ANK3: variants seen among roughly 807,000 people sequenced by gnomAD.
ANK3 encodes ankyrin-3.
A neutral mutation model predicts 370.9 loss-of-function variants in ANK3; 57 were observed. That is an observed-to-expected ratio of 0.15 (90% CI 0.12 to 0.19). The LOEUF is 0.19. Ranked by LOEUF, ANK3 falls within the 10% of genes least tolerant of loss-of-function variation. ANK3 has a pLI of 1.00. For synonymous variants in ANK3, 1,929 were observed against 1,946.3 expected (o/e 0.99, Z 0.23); for missense variants, 4,439 against 5,302.1 (o/e 0.84, Z 5.06).
At chr10:60,162,532 C>T (rs1227335061) in intron 23 of ANK3, among the ~76,000 whole-genome samples, 3 of 152,122 alleles carry the variant, frequency 2.0e-5, no homozygotes, top group African/African-American at 4.8e-5. Flanking sequence ...AAATTTGGCA[C>T]GAAGCTGAAC....
chr10:60,632,177 C>T (rs2078492710), intron 1 of ANK3, among the ~76,000 whole-genome samples: 1 of 80,786 alleles, frequency 1.2e-5, no homozygotes. Context: ...TAAAAAATAC[C>T]ATTTAATGTT....
chr10:60,647,856 T>C (rs2078729528), intron 1 of ANK3, among the ~76,000 whole-genome samples: 1 of 150,684 alleles, frequency 6.6e-6, no homozygotes, highest in Non-Finnish European at 1.5e-5. Context: ...ATTTGCCTTT[T>C]TTTTTTTTTT....
At chr10:60,450,767 C>T (rs1029865285) in intron 2 of ANK3, among the ~76,000 whole-genome samples, 5 of 152,110 alleles carry the variant, frequency 3.3e-5, no homozygotes, top group African/African-American at 1.2e-4. Context: ...TTTACCAAAG[C>T]CACTGAGTTG....
intron 1 of ANK3, among the ~76,000 whole-genome samples, chr10:60,666,109 C>T (rs2078992365): frequency 6.6e-6 from 1 of 152,118 alleles, no homozygotes; most frequent in South Asian, 2.1e-4. Flanking sequence ...TATTTCTACA[C>T]CTATGTTCAT....
chr10:60,539,151 CATTAAT>C (rs2076789624), intron 2 of ANK3, among the ~76,000 whole-genome samples: 1 of 151,770 alleles, frequency 6.6e-6, no homozygotes, highest in Non-Finnish European at 1.5e-5. Flanking sequence ...ATGAAACTAC[CATTAAT>C]ACTTGAAATG....
At chr10:60,170,212 T>G (rs2095746328) in intron 21 of ANK3, among the ~76,000 whole-genome samples, 1 of 152,040 alleles carries the variant, frequency 6.6e-6, no homozygotes, top group African/African-American at 2.4e-5. Flanking sequence ...TCTAATTAAC[T>G]AAACCGTCTT....
Position 60,045,083 on chromosome 10 carries a change from T to TA in ANK3, c.13066-2325dup, listed in dbSNP as rs935796082. ...ATAAGAACACAAAGTTGTTTCGTAA[T>TA]AAAAAAAAATGAGAACAAAACAATA... is the stretch of plus-strand genomic sequence containing the variant. On this transcript the variant is annotated intron_variant, in intron 42 of 43. Transcript: ENST00000280772. Among the ~76,000 whole-genome samples the TA allele has an allele frequency of 4.2e-3, 639 of 151,558 alleles. 4 individuals carry two copies. Among genetic ancestry groups the TA allele is most frequent in the African/African-American group, 0.014 (591 of 41,364 alleles).
At chr10:60,062,867 T>C (rs981414698) in intron 40 of ANK3, 1 of 298,128 alleles carries the variant, frequency 3.4e-6, no homozygotes. Context: ...AAATACCAAC[T>C]CTTTCAGATA....
At chr10:60,420,271 G>T (rs556169687) in intron 2 of ANK3, among the ~76,000 whole-genome samples, 8 of 152,178 alleles carry the variant, frequency 5.3e-5, no homozygotes, top group Non-Finnish European at 8.8e-5. Flanking sequence ...TTTAAAAACA[G>T]AATAAAGTGG....
At chr10:60,331,193 C>T (rs2051195363) in intron 1 of ANK3, among the ~76,000 whole-genome samples, 1 of 151,976 alleles carries the variant, frequency 6.6e-6, no homozygotes, top group Non-Finnish European at 1.5e-5. Context: ...TGCAGCAAAC[C>T]ACCATGGCAT....
intron 1 of ANK3, among the ~76,000 whole-genome samples, chr10:60,698,812 C>T (rs2079505092): frequency 6.7e-6 from 1 of 149,304 alleles, no homozygotes; most frequent in Non-Finnish European, 1.5e-5. Flanking sequence ...AGATGACGAG[C>T]TAGTGGGTGC....
At chr10:60,463,909 C>T (rs2064951325) in intron 2 of ANK3, among the ~76,000 whole-genome samples, 1 of 151,894 alleles carries the variant, frequency 6.6e-6, no homozygotes, top group African/African-American at 2.4e-5. Flanking sequence ...TACATTCCAC[C>T]AAGAAGACAT....
In ANK3 at chr10:60,341,637, A is replaced by G. The variant is rs772599487; in HGVS notation, c.114+47788T>C. On this transcript the variant is annotated intron_variant, in intron 1 of 43. Transcript: ENST00000280772. ...GTGCCTGTCCATTTTTCCCAAGTAA[A>G]GAGGGGGCATTTAAGGGTAGAGATC... is the stretch of plus-strand genomic sequence containing the variant. Among the ~76,000 whole-genome samples, 3 of 152,092 alleles carry G rather than the reference A, an allele frequency of 2.0e-5. No homozygotes were observed. In the South Asian group the frequency reaches 6.2e-4, roughly 32 times the overall value.
At chr10:60,153,018 A>G (rs766749632) in intron 23 of ANK3, among the ~76,000 whole-genome samples, 2 of 152,216 alleles carry the variant, frequency 1.3e-5, no homozygotes, top group African/African-American at 2.4e-5. Context: ...TGTACCAGGA[A>G]ACTTATATAA....
At chr10:60,485,806 G>C (rs573792366) in intron 2 of ANK3, among the ~76,000 whole-genome samples, 68 of 152,150 alleles carry the variant, frequency 4.5e-4, no homozygotes, top group Non-Finnish European at 8.8e-4. Flanking sequence ...ATGTCAGCAT[G>C]ATGGGCACAT....
At chr10:60,154,398 G>T (rs2095259867) in intron 23 of ANK3, among the ~76,000 whole-genome samples, 1 of 152,170 alleles carries the variant, frequency 6.6e-6, no homozygotes, top group Non-Finnish European at 1.5e-5. Context: ...GCAAGAAGAG[G>T]TCCTAACTGG....
At chr10:60,248,787 T>C (rs2097595981) in intron 7 of ANK3, among the ~76,000 whole-genome samples, 1 of 152,242 alleles carries the variant, frequency 6.6e-6, no homozygotes, top group Non-Finnish European at 1.5e-5. Context: ...GGTTTGACCC[T>C]GAGCTGTCTG....
At chr10:60,305,321 T>A in intron 1 of ANK3, among the ~76,000 whole-genome samples, 1 of 152,012 alleles carries the variant, frequency 6.6e-6, no homozygotes, top group East Asian at 1.9e-4. Context: ...GGTCTGTCCC[T>A]CAGATCTTGT....
intron 1 of ANK3, among the ~76,000 whole-genome samples, chr10:60,644,147 G>A (rs2078675374): frequency 6.6e-6 from 1 of 152,202 alleles, no homozygotes; most frequent in Non-Finnish European, 1.5e-5. Context: ...TGTTGGAGAA[G>A]AGAGTAATGA....
Sources: allele counts gnomAD v4.1 joint callset (sites outside exome capture counted in the v4.1 genomes callset), GRCh38; gene constraint gnomAD v4.1.1; transcripts MANE v1.5; gene names NCBI Gene and HGNC (gene_info 2026-07-23, HGNC 2026-07-21).